TAFA4: variants seen among roughly 807,000 people sequenced by gnomAD.
TAFA4 encodes chemokine-like protein TAFA-4.
In TAFA4, 20 loss-of-function variants were observed where a neutral mutation model predicts 21.1. The ratio of observed to expected loss-of-function variants is 0.95; its 90% CI spans 0.67 to 1.38. The LOEUF (loss-of-function observed/expected upper bound fraction) is 1.38, where lower values mean the gene tolerates loss of function less well. Among genes scored for constraint, TAFA4 ranks in the 40% most tolerant of loss-of-function variants. The pLI, the probability that TAFA4 is intolerant of heterozygous loss-of-function variation, is 0.00. For synonymous variants in TAFA4, 71 were observed against 67.4 expected (o/e 1.05, Z -0.26); for missense variants, 211 against 180.9 (o/e 1.17, Z -0.95).
At chr3:68,845,731 C>T (rs1241694947) in intron 3 of TAFA4, among the ~76,000 whole-genome samples, 1 of 152,152 alleles carries the variant, frequency 6.6e-6, no homozygotes, top group East Asian at 1.9e-4. Flanking sequence ...TAAAATCTCT[C>T]AGCATTTGCT....
chr3:68,783,379 C>G (rs970179075), intron 3 of TAFA4, among the ~76,000 whole-genome samples: 3 of 152,134 alleles, frequency 2.0e-5, no homozygotes, highest in Admixed American at 1.3e-4. Flanking sequence ...GGCAGACAGT[C>G]TCAGAACCAG....
intron 3 of TAFA4, among the ~76,000 whole-genome samples, chr3:68,781,173 C>T (rs1479856727): frequency 6.7e-6 from 1 of 148,294 alleles, no homozygotes; most frequent in Non-Finnish European, 1.5e-5. Context: ...AAAAATAGAT[C>T]CTTATATTCA....
chr3:68,930,960 A>T (rs184502497), intron 1 of TAFA4, among the ~76,000 whole-genome samples: 11 of 152,324 alleles, frequency 7.2e-5, no homozygotes, highest in Admixed American at 6.5e-4. Context: ...GCTCTGACAC[A>T]AACTGCCCCC....
At position 68,914,209 on chromosome 3, in the gene TAFA4, G is replaced by T. The variant is rs546059051; in HGVS notation, c.-123+18031C>A. Among the ~76,000 whole-genome samples the T allele has an allele frequency of 3.3e-5, 5 of 152,252 alleles. No individual in the cohort carries two copies. The South Asian group carries it at 1.0e-3, about 32-fold the overall frequency. On this transcript the variant is annotated intron_variant, in intron 1 of 5. Coordinates refer to ENST00000295569, the MANE Select transcript of TAFA4 (RefSeq NM_182522.5). ...ACAATGAAGAAGAACTACTGTTACA[G>T]GTAACAGCAGACATAGAGTTGGGCA...
At chr3:68,794,355 T>G (rs180997184) in intron 3 of TAFA4, among the ~76,000 whole-genome samples, 397 of 152,296 alleles carry the variant, frequency 2.6e-3, no homozygotes, top group Admixed American at 5.0e-3. Flanking sequence ...AGCCACAGGG[T>G]AAATAAAGAT....
chr3:68,803,067 A>G (rs1475260110), intron 3 of TAFA4, among the ~76,000 whole-genome samples: 1 of 152,190 alleles, frequency 6.6e-6, no homozygotes, highest in Non-Finnish European at 1.5e-5. Flanking sequence ...AATGCCATCC[A>G]AAATGATCTC....
intron 3 of TAFA4, among the ~76,000 whole-genome samples, chr3:68,781,334 T>C (rs1034562796): frequency 7.0e-6 from 1 of 142,712 alleles, no homozygotes; most frequent in Admixed American, 6.9e-5. Flanking sequence ...AAACAACTAA[T>C]GAAACAAGTC....
chr3:68,928,318 C>T (rs962882038), intron 1 of TAFA4, among the ~76,000 whole-genome samples: 6 of 152,114 alleles, frequency 3.9e-5, no homozygotes, highest in Admixed American at 6.6e-5. Context: ...GTACCATTAT[C>T]GTTATTCACA....
intron 4 of TAFA4, among the ~76,000 whole-genome samples, chr3:68,749,960 T>A (rs910312647): frequency 6.6e-5 from 10 of 152,164 alleles, no homozygotes; most frequent in African/African-American, 2.4e-4. Context: ...TGTCCATAAA[T>A]ATATAGAGAG....
intron 3 of TAFA4, among the ~76,000 whole-genome samples, chr3:68,825,335 A>G (rs748141080): frequency 5.9e-5 from 9 of 152,222 alleles, no homozygotes; most frequent in Non-Finnish European, 1.3e-4. Flanking sequence ...AAAGTATTCC[A>G]TAATGTATAT....
intron 3 of TAFA4, among the ~76,000 whole-genome samples, chr3:68,825,503 G>T (rs979947931): frequency 6.7e-6 from 1 of 148,586 alleles, no homozygotes; most frequent in African/African-American, 2.6e-5. Flanking sequence ...CAAAGTAACA[G>T]TTTCTTTAAT....
chr3:68,807,162 T>C (rs914481335), intron 3 of TAFA4, among the ~76,000 whole-genome samples: 1 of 152,238 alleles, frequency 6.6e-6, no homozygotes, highest in Admixed American at 6.5e-5. Context: ...GGCTGGCTAG[T>C]GACTTGAATC....
rs542356529 is a variant in TAFA4, at chr3:68,792,447, G to A, written c.131-39429C>T. Among the ~76,000 whole-genome samples the A allele has an allele frequency of 3.3e-5, 5 of 152,232 alleles. No homozygotes were observed. In the South Asian group the frequency reaches 1.0e-3, roughly 32 times the overall value. ...GTCTGGGATATGACCTAGGTGTTCT[G>A]ATTTTTAAAAGCTTCCCCAGTATCT... On this transcript the variant is annotated intron_variant, in intron 3 of 5. Transcript: ENST00000295569.
At chr3:68,889,813 C>T (rs1350713566) in intron 1 of TAFA4, among the ~76,000 whole-genome samples, 4 of 152,116 alleles carry the variant, frequency 2.6e-5, no homozygotes, top group Non-Finnish European at 5.9e-5. Context: ...AGAATTGTCT[C>T]AAATAAAGGC....
At chr3:68,846,379 T>G (rs960612693) in intron 3 of TAFA4, among the ~76,000 whole-genome samples, 1 of 152,064 alleles carries the variant, frequency 6.6e-6, no homozygotes, top group Non-Finnish European at 1.5e-5. Flanking sequence ...TCATTTATGT[T>G]CTTCTCCAAA....
intron 1 of TAFA4, among the ~76,000 whole-genome samples, chr3:68,896,550 C>G (rs761194308): frequency 2.6e-5 from 4 of 152,184 alleles, no homozygotes; most frequent in Non-Finnish European, 5.9e-5. Flanking sequence ...GGTTTTTTAA[C>G]CTCTCTCTAG....
intron 3 of TAFA4, among the ~76,000 whole-genome samples, chr3:68,785,301 A>G (rs9818648): frequency 0.69 from 104,742 of 152,200 alleles, 36,567 homozygotes; most frequent in East Asian, 0.98. Context: ...CCAGTCCCGC[A>G]CCATGCGCCC....
Position 68,732,308 on chromosome 3 carries a change from C to T in TAFA4, c.*834G>A, listed in dbSNP as rs976736985. The T allele has an allele frequency of 6.6e-6, 1 of 152,454 alleles. No homozygotes were observed. The highest frequency in any genetic ancestry group is 2.4e-5 in the African/African-American group (1 of 41,404). 9.4% of individuals were successfully genotyped at this position (152,454 alleles called of 1,614,324 possible). On this transcript the variant is annotated 3_prime_UTR_variant, in exon 6 of 6. Coordinates refer to ENST00000295569, the MANE Select transcript of TAFA4 (RefSeq NM_182522.5). ...TTCATATAATTGGCATAAATTTGATCTAAGAAATAACCCTTGATCTAAATT... is the reference window on the plus strand; with the variant it reads ...TTCATATAATTGGCATAAATTTGATTTAAGAAATAACCCTTGATCTAAATT...
At chr3:68,764,763 G>A (rs1470281634) in intron 3 of TAFA4, among the ~76,000 whole-genome samples, 3 of 152,178 alleles carry the variant, frequency 2.0e-5, no homozygotes, top group African/African-American at 7.2e-5. Flanking sequence ...CACTAGTGGA[G>A]AGGAAATCAA....
Sources: allele counts gnomAD v4.1 joint callset (sites outside exome capture counted in the v4.1 genomes callset), GRCh38; gene constraint gnomAD v4.1.1; transcripts MANE v1.5; gene names NCBI Gene and HGNC (gene_info 2026-07-23, HGNC 2026-07-21).